Variants in GRM8 observed in about 807,000 individuals in gnomAD.
The protein encoded by GRM8 is metabotropic glutamate receptor 8.
Under a neutral mutation model 87.2 loss-of-function variants are expected in GRM8, and 47 were observed. That is an observed-to-expected ratio of 0.54 (90% CI 0.43 to 0.69). The LOEUF (loss-of-function observed/expected upper bound fraction) is 0.69. Ranked by LOEUF, GRM8 falls within the 30% of genes least tolerant of loss-of-function variation. The pLI is 0.00. For missense variants in GRM8, 1,019 were observed against 1,139.2 expected (o/e 0.89, Z 1.52); for synonymous variants, 396 against 404.5 (o/e 0.98, Z 0.25).
intron 8 of GRM8, among the ~76,000 whole-genome samples, chr7:126,588,235 T>C (rs10254233): frequency 0.73 from 110,776 of 152,128 alleles, 41,223 homozygotes; most frequent in East Asian, 0.94. Flanking sequence ...GCAGAGACAA[T>C]TTTAATGAAG....
intron 7 of GRM8, among the ~76,000 whole-genome samples, chr7:126,687,759 TTC>T (rs1233910056): frequency 6.6e-6 from 1 of 151,766 alleles, no homozygotes; most frequent in African/African-American, 2.4e-5. Flanking sequence ...AGACCTGATA[TTC>T]TGTTTCCTTT....
intron 6 of GRM8, among the ~76,000 whole-genome samples, chr7:126,866,781 G>C (rs1439084117): frequency 6.6e-6 from 1 of 151,342 alleles, no homozygotes; most frequent in Non-Finnish European, 1.5e-5. Flanking sequence ...TAGTAGAGAT[G>C]GGGTTTCACC....
At chr7:127,078,233 C>T (rs1349851860) in intron 3 of GRM8, among the ~76,000 whole-genome samples, 2 of 152,212 alleles carry the variant, frequency 1.3e-5, no homozygotes, top group Non-Finnish European at 2.9e-5. Flanking sequence ...CCTCCCCTGG[C>T]AGCCTTTCCT....
chr7:126,741,757 AAATAATAGGAGCCACTTTCAC>A (rs1815031600), intron 7 of GRM8, among the ~76,000 whole-genome samples: 1 of 152,104 alleles, frequency 6.6e-6, no homozygotes, highest in Admixed American at 6.6e-5. Flanking sequence ...TGTAAAATGG[AAATAATAGGAGCCACTTTCAC>A]AAGATTGTGG....
At chr7:126,471,997 T>C (rs1290818998) in intron 9 of GRM8, among the ~76,000 whole-genome samples, 12 of 152,202 alleles carry the variant, frequency 7.9e-5, no homozygotes, top group African/African-American at 2.4e-4. Context: ...CTGTCTGTTA[T>C]TGGTGTATAA....
At chr7:127,228,979 G>C (rs539931726) in intron 2 of GRM8, 54 of 152,168 alleles carry the variant, frequency 3.5e-4, no homozygotes, top group African/African-American at 1.2e-3. Flanking sequence ...TAAAAATAAG[G>C]TGTTAAAATA....
At chr7:126,609,537 T>C (rs990841027) in intron 7 of GRM8, 39 bp from the exon 8 acceptor site, 3 of 1,533,558 alleles carry the variant, frequency 2.0e-6, no homozygotes, top group Middle Eastern at 1.9e-4. Context: ...AAAGTTTTAG[T>C]AAGATAGCCC....
intron 3 of GRM8, among the ~76,000 whole-genome samples, chr7:126,916,364 C>T (rs1244177861): frequency 6.6e-6 from 1 of 152,198 alleles, no homozygotes; most frequent in Non-Finnish European, 1.5e-5. Context: ...TAAGAAGCCA[C>T]TGTTTCCTGA....
chr7:127,206,772 T>G (rs1295207935), intron 2 of GRM8, among the ~76,000 whole-genome samples: 1 of 152,156 alleles, frequency 6.6e-6, no homozygotes, highest in Non-Finnish European at 1.5e-5. Flanking sequence ...CCTTCATAAA[T>G]CCTCTGTGCA....
intron 9 of GRM8, among the ~76,000 whole-genome samples, chr7:126,469,654 G>A (rs1804920175): frequency 6.6e-6 from 1 of 152,142 alleles, no homozygotes; most frequent in Non-Finnish European, 1.5e-5. Flanking sequence ...ATGTGAAGAA[G>A]GATGTGTTTA....
intron 1 of GRM8, among the ~76,000 whole-genome samples, chr7:127,247,606 G>A (rs1367272671): frequency 1.3e-5 from 2 of 152,068 alleles, no homozygotes; most frequent in Non-Finnish European, 2.9e-5. Context: ...GAGTGAGGAT[G>A]GGGCAGACAG....
intron 2 of GRM8, among the ~76,000 whole-genome samples, chr7:127,147,252 C>G (rs1430237863): frequency 1.3e-5 from 2 of 151,960 alleles, no homozygotes; most frequent in Non-Finnish European, 2.9e-5. Flanking sequence ...TGAACCCCAC[C>G]ACCAAACCAA....
At chr7:127,160,197 G>A (rs1793010444) in intron 2 of GRM8, among the ~76,000 whole-genome samples, 1 of 152,008 alleles carries the variant, frequency 6.6e-6, no homozygotes, top group Non-Finnish European at 1.5e-5. Context: ...TACACTCTGA[G>A]GTCTTTATAA....
chr7:127,046,327 G>A (rs930086188), intron 3 of GRM8, among the ~76,000 whole-genome samples: 8 of 151,748 alleles, frequency 5.3e-5, no homozygotes, highest in Non-Finnish European at 7.4e-5. Flanking sequence ...AGCCGAGGTC[G>A]CACCACTGCA....
At chr7:127,001,165 G>A (rs1424245620) in intron 3 of GRM8, among the ~76,000 whole-genome samples, 1 of 151,436 alleles carries the variant, frequency 6.6e-6, no homozygotes, top group East Asian at 1.9e-4. Context: ...TTAATAGGAA[G>A]AAAAATGTTT....
intron 10 of GRM8, among the ~76,000 whole-genome samples, chr7:126,444,107 AC>A (rs1168439007): frequency 1.4e-4 from 21 of 152,030 alleles, no homozygotes; most frequent in Non-Finnish European, 2.6e-4. Context: ...AACAGGTAAA[AC>A]AATAGACTCT....
intron 6 of GRM8, among the ~76,000 whole-genome samples, chr7:126,792,416 C>T (rs1442421876): frequency 6.6e-6 from 1 of 152,190 alleles, no homozygotes; most frequent in African/African-American, 2.4e-5. Flanking sequence ...CTCCCCAGCC[C>T]TGCTTAAGTA....
chr7:126,744,987 G>A (rs1442147962), intron 7 of GRM8, among the ~76,000 whole-genome samples: 1 of 151,612 alleles, frequency 6.6e-6, no homozygotes, highest in African/African-American at 2.4e-5. Context: ...TTTTTAGAAT[G>A]TAACTTATTA....
chr7:126,627,007 C>A (rs1339274432), intron 7 of GRM8, among the ~76,000 whole-genome samples: 1 of 152,114 alleles, frequency 6.6e-6, no homozygotes, highest in Non-Finnish European at 1.5e-5. Context: ...TTGCTTGCTT[C>A]CATTATTTAG....
Sources: gnomAD v4.1 joint callset for allele counts (sites outside exome capture counted in the v4.1 genomes callset) on GRCh38, gnomAD v4.1.1 for gene constraint, MANE v1.5 for transcripts, NCBI Gene and HGNC (gene_info 2026-07-23, HGNC 2026-07-21) for gene names.